Variants in DGKB observed in about 807,000 individuals in gnomAD.
DGKB encodes the protein 90 kDa diacylglycerol kinase.
Under a neutral mutation model 114.3 loss-of-function variants are expected in DGKB, and 67 were observed. The observed-to-expected ratio is 0.59, with a 90% confidence interval of 0.48 to 0.72. The LOEUF (loss-of-function observed/expected upper bound fraction) is 0.72. Ranked by LOEUF, DGKB falls within the 30% of genes least tolerant of loss-of-function variation. The pLI is 0.00. For missense variants in DGKB, 907 were observed against 975.2 expected (o/e 0.93, Z 0.93); for synonymous variants, 398 against 323.1 (o/e 1.23, Z -2.49).
At chr7:14,475,492 G>A (rs936049940) in intron 21 of DGKB, among the ~76,000 whole-genome samples, 5 of 152,052 alleles carry the variant, frequency 3.3e-5, no homozygotes, top group South Asian at 2.1e-4. Context: ...CCTAATTGAC[G>A]TGGTAATATA....
chr7:14,866,223 G>A (rs1281945126), intron 1 of DGKB, among the ~76,000 whole-genome samples: 1 of 152,106 alleles, frequency 6.6e-6, no homozygotes, highest in East Asian at 1.9e-4. Flanking sequence ...CCCCACCAGA[G>A]TGGTACATTT....
chr7:14,176,422 T>C, intron 25 of DGKB: 3 of 986,354 alleles, frequency 3.0e-6, no homozygotes, highest in Non-Finnish European at 3.6e-6. Context: ...AATCCCCAAA[T>C]GGAGGCATAG....
At chr7:14,960,431 TC>T (rs1031917900) in intron 1 of DGKB, among the ~76,000 whole-genome samples, 67 of 152,110 alleles carry the variant, frequency 4.4e-4, no homozygotes, top group Non-Finnish European at 7.1e-4. Context: ...CTACAGGCAA[TC>T]CTCTGACTTT....
intron 20 of DGKB, 98 bp from the exon 21 acceptor site, chr7:14,478,323 C>T (rs557882853): frequency 6.6e-5 from 48 of 727,358 alleles, no homozygotes; most frequent in Middle Eastern, 3.0e-4. Context: ...TCAAAATGAA[C>T]TTTTATTTAC....
intron 23 of DGKB, among the ~76,000 whole-genome samples, chr7:14,280,432 C>T (rs945338587): frequency 1.3e-5 from 2 of 151,736 alleles, no homozygotes; most frequent in Admixed American, 6.6e-5. Context: ...TTGGAAAACA[C>T]TCTGCAGGAT....
chr7:14,633,480 T>C (rs181594895), intron 13 of DGKB, among the ~76,000 whole-genome samples: 2 of 152,008 alleles, frequency 1.3e-5, no homozygotes, highest in East Asian at 1.9e-4. Context: ...ATATTAAATG[T>C]ACATGCCCAT....
intron 17 of DGKB, among the ~76,000 whole-genome samples, chr7:14,597,480 T>C (rs1243733076): frequency 6.6e-6 from 1 of 152,194 alleles, no homozygotes; most frequent in East Asian, 1.9e-4. Context: ...ATATTCCAAA[T>C]CCAATTATCT....
intron 2 of DGKB, among the ~76,000 whole-genome samples, chr7:14,805,276 G>A (rs1011723565): frequency 3.3e-5 from 5 of 151,976 alleles, no homozygotes; most frequent in African/African-American, 1.2e-4. Context: ...TGTGCAATAT[G>A]CCATCTACAC....
At chr7:14,527,360 C>A (rs1213305912) in intron 20 of DGKB, among the ~76,000 whole-genome samples, 1 of 151,950 alleles carries the variant, frequency 6.6e-6, no homozygotes, top group East Asian at 1.9e-4. Context: ...TATTTGAAAA[C>A]TTATATTGAG....
At chr7:14,549,889 G>C (rs1263923451) in intron 20 of DGKB, among the ~76,000 whole-genome samples, 3 of 152,030 alleles carry the variant, frequency 2.0e-5, no homozygotes, top group Non-Finnish European at 4.4e-5. Flanking sequence ...TTGAGAGGCT[G>C]AGGGAGGAGA....
At chr7:14,937,103 A>T (rs576474915) in intron 1 of DGKB, among the ~76,000 whole-genome samples, 7 of 150,182 alleles carry the variant, frequency 4.7e-5, no homozygotes, top group African/African-American at 1.7e-4. Context: ...ATTTTGCTAC[A>T]TTTTTTTCAT....
Position 14,178,049 on chromosome 7 carries a change from C to G in DGKB, c.2225G>C (p.Cys742Ser). The G allele has an allele frequency of 6.2e-7, 1 of 1,600,430 alleles. No homozygotes were observed. The highest frequency in any genetic ancestry group is 8.5e-7 in the Non-Finnish European group (1 of 1,174,732). The change falls in exon 24 of 26, where the codon TGC (cysteine) becomes TCC (serine). Residue 742 changes from cysteine (C) to serine (S), a missense_variant. Transcript: ENST00000402815. ...GAACTACCTGATGACCACGCAGGAG[C>G]ACTGAGCCAGCCGCCGGCCAGCACT... The part of the protein sequence containing the change: ...LKSAGRRLAQ[C>S]SCVVIRTSKS...
At chr7:14,434,010 C>A (rs1398057449) in intron 21 of DGKB, among the ~76,000 whole-genome samples, 1 of 152,154 alleles carries the variant, frequency 6.6e-6, no homozygotes, top group Non-Finnish European at 1.5e-5. Flanking sequence ...TGTGGAGTTA[C>A]ATCAGTGCTC....
At chr7:14,213,122 AAC>A (rs1788405619) in intron 23 of DGKB, among the ~76,000 whole-genome samples, 1 of 152,142 alleles carries the variant, frequency 6.6e-6, no homozygotes, top group South Asian at 2.1e-4. Flanking sequence ...AAAAAATGGT[AAC>A]ACATTCTAAA....
intron 23 of DGKB, among the ~76,000 whole-genome samples, chr7:14,184,160 C>T (rs748636474): frequency 2.6e-5 from 4 of 152,106 alleles, no homozygotes; most frequent in African/African-American, 7.2e-5. Flanking sequence ...CCTAACTGGC[C>T]GTTCCTGCCT....
chr7:14,539,749 T>C (rs1019740174), intron 20 of DGKB, among the ~76,000 whole-genome samples: 3 of 152,100 alleles, frequency 2.0e-5, no homozygotes, highest in Non-Finnish European at 2.9e-5. Flanking sequence ...TTTGCTCACC[T>C]TCACATTGTT....
chr7:14,473,875 G>C (rs953629262), intron 21 of DGKB, among the ~76,000 whole-genome samples: 3 of 152,196 alleles, frequency 2.0e-5, no homozygotes, highest in Non-Finnish European at 4.4e-5. Context: ...ATTTGGAATG[G>C]CTGTATTTAC....
intron 5 of DGKB, among the ~76,000 whole-genome samples, chr7:14,728,714 T>C (rs1586031328): frequency 6.6e-6 from 1 of 151,956 alleles, no homozygotes; most frequent in African/African-American, 2.4e-5. Flanking sequence ...TTTTTTTTTT[T>C]TTTCTCTGAG....
At chr7:14,351,685 T>G (rs2128607324) in intron 21 of DGKB, among the ~76,000 whole-genome samples, 1 of 152,312 alleles carries the variant, frequency 6.6e-6, no homozygotes, top group South Asian at 2.1e-4. Context: ...ATGGGAACTT[T>G]TACTCAAATT....
Sources: gnomAD v4.1 joint callset for allele counts (sites outside exome capture counted in the v4.1 genomes callset) on GRCh38, gnomAD v4.1.1 for gene constraint, MANE v1.5 for transcripts, NCBI Gene and HGNC (gene_info 2026-07-23, HGNC 2026-07-21) for gene names.